Variants in DLG2 observed in about 807,000 individuals in gnomAD.
DLG2 encodes discs large MAGUK scaffold protein 2, also known as disks large homolog 2.
Under a neutral mutation model 132.5 loss-of-function variants are expected in DLG2, and 45 were observed. The ratio of observed to expected loss-of-function variants is 0.34; its 90% CI spans 0.27 to 0.44. DLG2 has a LOEUF of 0.44. DLG2 is among the 20% of genes least tolerant of loss of function. The probability of loss-of-function intolerance (pLI) is 1.00; values close to 1 mark genes in which losing one functional copy is unlikely to be tolerated. For missense variants in DLG2, 1,045 were observed against 1,196.9 expected, an observed-to-expected ratio of 0.87 and a Z score of 1.87; for synonymous variants, 424 against 419.6, an observed-to-expected ratio of 1.01 and a Z score of -0.13.
At chr11:84,297,321 T>C (rs975995577) in intron 7 of DLG2, among the ~76,000 whole-genome samples, 3 of 152,260 alleles carry the variant, frequency 2.0e-5, no homozygotes, top group Admixed American at 6.5e-5. Flanking sequence ...AGTGTGAACA[T>C]TGGAGTTCAA....
At chr11:84,164,527 C>A (rs1299493359) in intron 8 of DLG2, among the ~76,000 whole-genome samples, 1 of 152,158 alleles carries the variant, frequency 6.6e-6, no homozygotes, top group East Asian at 1.9e-4. Context: ...GAGTTCTATG[C>A]AGGCAAGGCC....
intron 4 of DLG2, among the ~76,000 whole-genome samples, chr11:85,164,327 G>T (rs1463582660): frequency 6.6e-6 from 1 of 151,900 alleles, no homozygotes; most frequent in Non-Finnish European, 1.5e-5. Context: ...TGGTACTCTG[G>T]TCTCCTATAG....
At chr11:83,928,472 A>G (rs753862343) in intron 15 of DLG2, among the ~76,000 whole-genome samples, 14 of 152,106 alleles carry the variant, frequency 9.2e-5, no homozygotes, top group Non-Finnish European at 1.9e-4. Flanking sequence ...TAACTTTTAC[A>G]TTCATAAAAA....
intron 3 of DLG2, among the ~76,000 whole-genome samples, chr11:85,392,564 C>G (rs1046667015): frequency 1.3e-5 from 2 of 152,054 alleles, no homozygotes; most frequent in Non-Finnish European, 2.9e-5. Flanking sequence ...TACCTGACTT[C>G]AAACTATACT....
intron 6 of DLG2, among the ~76,000 whole-genome samples, chr11:84,681,028 A>G (rs1255636352): frequency 6.6e-6 from 1 of 152,200 alleles, no homozygotes; most frequent in Non-Finnish European, 1.5e-5. Flanking sequence ...GTGGCCAACA[A>G]GATCCATAAA....
intron 4 of DLG2, among the ~76,000 whole-genome samples, chr11:85,192,105 G>A (rs1342853688): frequency 6.6e-6 from 1 of 152,186 alleles, no homozygotes; most frequent in Non-Finnish European, 1.5e-5. Context: ...TATCATGGTG[G>A]AATTCGCGTA....
intron 6 of DLG2, among the ~76,000 whole-genome samples, chr11:84,783,862 CAT>C (rs1202922755): frequency 1.3e-5 from 2 of 151,940 alleles, no homozygotes; most frequent in Non-Finnish European, 2.9e-5. Flanking sequence ...GCTCAGTAAA[CAT>C]ATATGTTAAG....
chr11:84,654,229 C>A (rs1434493660), intron 6 of DLG2, among the ~76,000 whole-genome samples: 1 of 152,280 alleles, frequency 6.6e-6, no homozygotes, highest in Admixed American at 6.5e-5. Flanking sequence ...TTGTGACACT[C>A]ACCTCATCCC....
At chr11:83,890,278 G>T (rs976904742) in intron 15 of DLG2, among the ~76,000 whole-genome samples, 1 of 151,850 alleles carries the variant, frequency 6.6e-6, no homozygotes, top group Non-Finnish European at 1.5e-5. Context: ...AAATTTTTCA[G>T]AATAACACAC....
At chr11:85,046,495 A>G (rs2062360602) in intron 6 of DLG2, among the ~76,000 whole-genome samples, 1 of 151,920 alleles carries the variant, frequency 6.6e-6, no homozygotes, top group African/African-American at 2.4e-5. Context: ...ACTGAATTTT[A>G]TGTTTTTATC....
At chr11:84,695,948 A>T (rs2058569564) in intron 6 of DLG2, among the ~76,000 whole-genome samples, 1 of 151,546 alleles carries the variant, frequency 6.6e-6, no homozygotes, top group Admixed American at 6.6e-5. Flanking sequence ...ACTGCTAAAA[A>T]TGGAAAAAGA....
chr11:83,484,677 A>C (rs2093383846), intron 21 of DLG2, among the ~76,000 whole-genome samples: 1 of 152,146 alleles, frequency 6.6e-6, no homozygotes, highest in African/African-American at 2.4e-5. Context: ...GTGCTATACA[A>C]ATGTCTTATC....
chr11:84,933,314 C>G (rs2048318578), intron 6 of DLG2, among the ~76,000 whole-genome samples: 1 of 152,082 alleles, frequency 6.6e-6, no homozygotes, highest in Non-Finnish European at 1.5e-5. Context: ...GCCTCCAGCT[C>G]TGCTCTTTTC....
chr11:85,622,489 A>G (rs1233856059), intron 2 of DLG2, among the ~76,000 whole-genome samples: 3 of 152,156 alleles, frequency 2.0e-5, no homozygotes, highest in Non-Finnish European at 2.9e-5. Flanking sequence ...AGTATACCCG[A>G]TAACAAAAAG....
intron 16 of DLG2, among the ~76,000 whole-genome samples, chr11:83,835,951 G>T (rs934939669): frequency 3.9e-5 from 6 of 152,108 alleles, no homozygotes; most frequent in Admixed American, 3.3e-4. Context: ...CACCCCTATA[G>T]TATATACACA....
At chr11:84,047,497 T>C (rs34281369) in intron 11 of DLG2, among the ~76,000 whole-genome samples, 3,411 of 151,734 alleles carry the variant, frequency 0.022, 70 homozygotes, top group Middle Eastern at 0.034. Flanking sequence ...GCAGCATTTT[T>C]TTTAAAGCTT....
intron 3 of DLG2, among the ~76,000 whole-genome samples, chr11:85,553,399 A>C (rs1371353101): frequency 6.6e-6 from 1 of 151,596 alleles, no homozygotes; most frequent in African/African-American, 2.4e-5. Flanking sequence ...AATAATAGAC[A>C]TAAAAATAGT....
chr11:83,538,672 T>A (rs2095965195), intron 20 of DLG2, among the ~76,000 whole-genome samples: 2 of 152,194 alleles, frequency 1.3e-5, no homozygotes, highest in African/African-American at 2.4e-5. Context: ...ATGATGTATT[T>A]GAAAGCACCT....
intron 6 of DLG2, among the ~76,000 whole-genome samples, chr11:84,903,852 A>G (rs1469686281): frequency 2.0e-5 from 3 of 152,168 alleles, no homozygotes; most frequent in Admixed American, 6.6e-5. Context: ...CCACCTCAGA[A>G]AAATTATTTC....
Sources: gnomAD v4.1 joint callset for allele counts (sites outside exome capture counted in the v4.1 genomes callset) on GRCh38, gnomAD v4.1.1 for gene constraint, MANE v1.5 for transcripts, NCBI Gene and HGNC (gene_info 2026-07-23, HGNC 2026-07-21) for gene names.